Variants in ECE1 observed in about 807,000 individuals in gnomAD.
The protein encoded by ECE1 is endothelin-converting enzyme 1.
ECE1 carries 35 observed loss-of-function variants against 98.6 expected under a neutral mutation model. That is an observed-to-expected ratio of 0.35 (90% CI 0.27 to 0.47). The LOEUF (loss-of-function observed/expected upper bound fraction) is 0.47. Ranked by LOEUF, ECE1 falls within the 20% of genes least tolerant of loss-of-function variation. The probability of loss-of-function intolerance (pLI) is 1.00; values close to 1 mark genes in which losing one functional copy is unlikely to be tolerated. For missense variants in ECE1, 814 were observed against 1,025.3 expected (o/e 0.79, Z 2.81); for synonymous variants, 394 against 407.1 (o/e 0.97, Z 0.39).
At chr1:21,309,284 C>A (rs564482704) in intron 1 of ECE1, among the ~76,000 whole-genome samples, 1 of 152,362 alleles carries the variant, frequency 6.6e-6, no homozygotes, top group East Asian at 1.9e-4. Flanking sequence ...TGGAGCCAGA[C>A]TGCTGGCGTT....
rs1347432005 is a variant in ECE1 at position 21,233,864 on chromosome 1, T to TA, written c.1567-204dup. On this transcript the variant is annotated intron_variant, in intron 13 of 18. Coordinates refer to ENST00000374893, the MANE Select transcript of ECE1 (RefSeq NM_001397.3). This position sits in a 1 kb window ranked among gnomAD's most constrained non-coding sequence, Gnocchi z 4.0. ...GAATGACACCGTTGCAGGATGTGCC[T>TA]ACAGCAGTGCCTGGGCCCAGGCAAG... 6.6e-6 allele frequency among the ~76,000 whole-genome samples: 1 copy of TA among 152,106 alleles called. No homozygotes were observed. The highest frequency in any genetic ancestry group is 2.4e-5 in the African/African-American group (1 of 41,434).
In ECE1 at chr1:21,258,710, T is replaced by G. The variant is rs1490876826; in HGVS notation, c.745A>C (p.Asn249His). Reference protein sequence around the residue: ...VYVSADSKNSNSNVIQVDQSG... With the variant: ...VYVSADSKNSHSNVIQVDQSG... ...TAGCTCACCTGGATCACGTTGCTGT[T>G]GGAGTTCTTGGAATCGGCACTGACA... The change falls in exon 6 of 19, where the codon AAC becomes CAC. Residue 249 changes from asparagine (N) to histidine (H), a missense_variant. Asn to His is a moderately conservative substitution (Grantham distance 68). Coordinates refer to ENST00000374893, the MANE Select transcript of ECE1 (RefSeq NM_001397.3). This position sits in a 1 kb window ranked among gnomAD's most constrained non-coding sequence, Gnocchi z 4.2. 1 of 1,614,148 alleles carries G rather than the reference T, an allele frequency of 6.2e-7. No homozygotes were observed. Among genetic ancestry groups the G allele is most frequent in the East Asian group, 2.2e-5 (1 of 44,874 alleles).
intron 3 of ECE1, among the ~76,000 whole-genome samples, chr1:21,277,540 A>C (rs1413636959): frequency 6.6e-6 from 1 of 152,164 alleles, no homozygotes; most frequent in Non-Finnish European, 1.5e-5. Flanking sequence ...GAGGATGACG[A>C]GCTTGTGTCC....
intron 2 of ECE1, among the ~76,000 whole-genome samples, chr1:21,285,990 C>CAAAAA (rs3061092): frequency 5.8e-5 from 4 of 68,874 alleles, no homozygotes; most frequent in South Asian, 5.0e-4. Context: ...GACTCTGTCT[C>CAAAAA]AAAAAAAAAA....
At chr1:21,238,519 G>T (rs997687550) in intron 10 of ECE1, among the ~76,000 whole-genome samples, 4 of 152,202 alleles carry the variant, frequency 2.6e-5, no homozygotes, top group African/African-American at 7.2e-5. Flanking sequence ...CTTACAAGCC[G>T]TTTGACTGAT....
intron 2 of ECE1, among the ~76,000 whole-genome samples, chr1:21,284,914 C>T (rs954383073): frequency 1.3e-5 from 2 of 152,228 alleles, no homozygotes; most frequent in African/African-American, 4.8e-5. Flanking sequence ...CTGGCAGGGG[C>T]ACCAGGCTCC....
At position 21,219,609 on chromosome 1, in the gene ECE1, G is replaced by C. The variant is rs1434152361; in HGVS notation, c.*346C>G. On this transcript the variant is annotated 3_prime_UTR_variant, in exon 19 of 19. Transcript: ENST00000374893. This position sits in a 1 kb window ranked among gnomAD's most constrained non-coding sequence, Gnocchi z 4.5. ...TGTATTCCACAGTGTTTAAAAAATA[G>C]TTTCCCCAAAAATATATCTTGAAAG... 5 of 322,448 alleles carry C rather than the reference G, an allele frequency of 1.6e-5. No individual in the cohort carries two copies. Among genetic ancestry groups the C allele is most frequent in the Middle Eastern group, 9.7e-4 (1 of 1,032 alleles). The allele number at this position is 322,448 out of a possible 1,614,324, so 20.0% of individuals were successfully genotyped here.
chr1:21,228,316 C>T lies in ECE1; in HGVS notation c.1671-275G>A, dbSNP rs572316558. Among the ~76,000 whole-genome samples, 39 of 152,194 alleles carry T rather than the reference C, an allele frequency of 2.6e-4. 1 individual carries two copies. Among genetic ancestry groups the T allele is most frequent in the African/African-American group, 6.3e-4 (26 of 41,550 alleles). ...TAAGCCTCAAGCCATCCTCCTGCCT[C>T]GGACTCCCAAAGTGCTGGAATTACA... is the stretch of plus-strand genomic sequence containing the variant. On this transcript the variant is annotated intron_variant, in intron 14 of 18. Coordinates refer to ENST00000374893, the MANE Select transcript of ECE1 (RefSeq NM_001397.3).
chr1:21,262,752 T>A (rs1348512423), intron 4 of ECE1, among the ~76,000 whole-genome samples: 1 of 152,218 alleles, frequency 6.6e-6, no homozygotes, highest in Non-Finnish European at 1.5e-5. Context: ...AATGCCTCCT[T>A]CAGACACAGC....
At chr1:21,245,146 A>G (rs2098201667) in intron 9 of ECE1, 43 bp from the exon 10 acceptor site, 1 of 1,571,666 alleles carries the variant, frequency 6.4e-7, no homozygotes, top group Non-Finnish European at 8.7e-7. Context: ...ACACCTAGGC[A>G]GGGAGGATTG....
At chr1:21,229,797 G>T (rs1289636917) in intron 14 of ECE1, among the ~76,000 whole-genome samples, 2 of 152,168 alleles carry the variant, frequency 1.3e-5, no homozygotes, top group Non-Finnish European at 2.9e-5. Flanking sequence ...ACTAAGACAT[G>T]ATGTTACAAA....
In ECE1 at chr1:21,233,627, G is replaced by A; in HGVS notation, c.1601C>T (p.Ala534Val). The change falls in exon 14 of 19, where the codon GCC (alanine) becomes GTC (valine). Residue 534 changes from alanine to valine, a missense_variant. Ala to Val is a moderately conservative substitution (Grantham distance 64, BLOSUM62 0). This residue lies in a region of ECE1 where 452 missense variants were observed against 567.3 expected (regional missense o/e 0.80). Transcript: ENST00000374893. The surrounding 1 kb of genome is among the most constrained non-coding windows in gnomAD (Gnocchi z 4.0). ...CCATGAGAAGTTGAAAAACCGCATG[G>A]CATTTTCAAAGTAGAGGTCTGGAAC... ...TAVPDLYFEN[A>V]MRFFNFSWRV... 6.2e-7 allele frequency: 1 copy of A among 1,614,024 alleles called. No homozygotes were observed. The highest frequency in any genetic ancestry group is 1.7e-5 in the Admixed American group (1 of 60,012).
At chr1:21,277,739 G>A (rs1449830483) in intron 3 of ECE1, among the ~76,000 whole-genome samples, 1 of 152,202 alleles carries the variant, frequency 6.6e-6, no homozygotes, top group African/African-American at 2.4e-5. Context: ...AAGCACATCT[G>A]GTTAAGGGCC....
intron 7 of ECE1, among the ~76,000 whole-genome samples, chr1:21,256,871 G>A (rs2098220593): frequency 6.6e-6 from 1 of 152,184 alleles, no homozygotes; most frequent in African/African-American, 2.4e-5. Context: ...CACAGGCCCT[G>A]TGGGACGAAG....
At chr1:21,284,434 G>A (rs138857395) in intron 2 of ECE1, among the ~76,000 whole-genome samples, 60 of 152,286 alleles carry the variant, frequency 3.9e-4, no homozygotes, top group African/African-American at 1.2e-3. Context: ...ACTTATTGTC[G>A]TGGGAGGCAG....
chr1:21,318,086 G>A lies in ECE1; in HGVS notation c.3+27290C>T, dbSNP rs531050971. 1.7e-4 allele frequency among the ~76,000 whole-genome samples: 26 copies of A among 152,340 alleles called. No homozygotes were observed. The East Asian group carries it at 5.0e-3, about 29-fold the overall frequency. On this transcript the variant is annotated intron_variant, in intron 1 of 18. Coordinates refer to the ECE1 transcript ENST00000415912. ...TCGCTGGCTGCTGTGACGGTTAAAC[G>A]ATTCTTCCCAGCTCTGCACAACTCA... is the stretch of plus-strand genomic sequence containing the variant.
chr1:21,282,736 G>A (rs1227072581), intron 2 of ECE1, among the ~76,000 whole-genome samples: 1 of 152,010 alleles, frequency 6.6e-6, no homozygotes, highest in Non-Finnish European at 1.5e-5. Flanking sequence ...TGGTGTGGGC[G>A]ACAAGGAGAC....
intron 14 of ECE1, 148 bp from the exon 15 acceptor site, chr1:21,228,189 A>T: frequency 1.6e-6 from 1 of 609,606 alleles, no homozygotes; most frequent in Non-Finnish European, 2.9e-6. Context: ...CACAAGTACA[A>T]GGACATCTAC....
Position 21,311,940 on chromosome 1 carries a change from T to G in ECE1, c.4-21784A>C, listed in dbSNP as rs148658430. On this transcript the variant is annotated intron_variant, in intron 1 of 18. Coordinates refer to the ECE1 transcript ENST00000415912. ...GGAGTTCAAGACCAGCCTGGCCAAATGGTGAAACCCCATCTCTATTAGAAA... is the reference window on the plus strand; with the variant it reads ...GGAGTTCAAGACCAGCCTGGCCAAAGGGTGAAACCCCATCTCTATTAGAAA... Among the ~76,000 whole-genome samples, 479 of 147,478 alleles carry G rather than the reference T, an allele frequency of 3.2e-3. 2 individuals are homozygous for G. Among genetic ancestry groups the G allele is most frequent in the African/African-American group, 0.012 (462 of 39,674 alleles).
Sources: gnomAD v4.1 joint callset for allele counts (sites outside exome capture counted in the v4.1 genomes callset) on GRCh38, gnomAD v4.1.1 for gene constraint, gnomAD v4.1.1 regional missense constraint, Gnocchi (gnomAD v3.1) non-coding constraint, MANE v1.5 for transcripts, NCBI Gene and HGNC (gene_info 2026-07-23, HGNC 2026-07-21) for gene names.